NUBPL: variants seen among roughly 807,000 people sequenced by gnomAD.
NUBPL encodes iron-sulfur cluster transfer protein NUBPL.
In NUBPL, 31 loss-of-function variants were observed where a neutral mutation model predicts 45.7. That is an observed-to-expected ratio of 0.68 (90% CI 0.51 to 0.92). The LOEUF is 0.92. NUBPL is among the 40% of genes least tolerant of loss of function. The pLI is 0.00. For missense variants in NUBPL, 401 were observed against 398.7 expected (o/e 1.01, Z -0.05); for synonymous variants, 144 against 140.9 (o/e 1.02, Z -0.15).
At chr14:31,665,864 T>C (rs1595460478) in intron 4 of NUBPL, among the ~76,000 whole-genome samples, 1 of 152,136 alleles carries the variant, frequency 6.6e-6, no homozygotes, top group Non-Finnish European at 1.5e-5. Context: ...TGGGGGAGTC[T>C]AAGTCTCTTT....
At chr14:31,588,482 G>C (rs1370074578) in intron 3 of NUBPL, among the ~76,000 whole-genome samples, 1 of 151,900 alleles carries the variant, frequency 6.6e-6, no homozygotes, top group African/African-American at 2.4e-5. Context: ...AATCTTTACA[G>C]GTAAGAAAAT....
chr14:31,637,790 A>C (rs2035550939), intron 4 of NUBPL, among the ~76,000 whole-genome samples: 1 of 152,154 alleles, frequency 6.6e-6, no homozygotes, highest in Admixed American at 6.5e-5. Context: ...GGGTGCATAT[A>C]TATTAAGATA....
chr14:31,574,028 T>C (rs966730023), intron 3 of NUBPL, among the ~76,000 whole-genome samples: 1 of 152,148 alleles, frequency 6.6e-6, no homozygotes, highest in Non-Finnish European at 1.5e-5. Context: ...ATAAATAAAA[T>C]ATACACAGCA....
intron 4 of NUBPL, among the ~76,000 whole-genome samples, chr14:31,630,383 G>A (rs889029279): frequency 3.9e-5 from 6 of 152,072 alleles, no homozygotes; most frequent in African/African-American, 1.2e-4. Flanking sequence ...TTCTTTATTC[G>A]AATGTGATTT....
At chr14:31,698,356 CT>C (rs548304258) in intron 6 of NUBPL, among the ~76,000 whole-genome samples, 527 of 141,898 alleles carry the variant, frequency 3.7e-3, no homozygotes, top group East Asian at 6.5e-3. Context: ...TCATTTTGGT[CT>C]TTTTTTTTTT....
chr14:31,652,571 A>T lies in NUBPL; in HGVS notation c.383-20784A>T, dbSNP rs549874390. ...TATATATAAATTTTGTCAATTAAAA[A>T]TGATTAAAAAATAAAGTTGCTTTTT... On this transcript the variant is annotated intron_variant, in intron 4 of 10. Coordinates refer to ENST00000281081, the MANE Select transcript of NUBPL (RefSeq NM_025152.3). Among the ~76,000 whole-genome samples, 21 of 152,340 alleles carry T rather than the reference A, an allele frequency of 1.4e-4. No homozygotes were observed. In the East Asian group the frequency reaches 4.0e-3, roughly 29 times the overall value.
chr14:31,595,959 T>G (rs963367754), intron 3 of NUBPL, among the ~76,000 whole-genome samples: 1 of 149,808 alleles, frequency 6.7e-6, no homozygotes, highest in East Asian at 2.0e-4. Context: ...CAGGCTGGAG[T>G]GCAGTGGCGC....
intron 6 of NUBPL, among the ~76,000 whole-genome samples, chr14:31,782,326 C>T (rs1374589557): frequency 3.9e-5 from 6 of 152,022 alleles, no homozygotes; most frequent in African/African-American, 1.2e-4. Flanking sequence ...ACCTGGGAGG[C>T]GGAGGTTGCA....
intron 7 of NUBPL, among the ~76,000 whole-genome samples, chr14:31,818,718 T>C (rs2039967283): frequency 6.6e-6 from 1 of 152,028 alleles, no homozygotes; most frequent in African/African-American, 2.4e-5. Flanking sequence ...CCGGCTAATG[T>C]TTTGTATTTT....
At chr14:31,611,731 G>A (rs565525358) in intron 4 of NUBPL, among the ~76,000 whole-genome samples, 7 of 151,860 alleles carry the variant, frequency 4.6e-5, no homozygotes, top group Non-Finnish European at 1.0e-4. Flanking sequence ...ACACACAGAC[G>A]AATAGAACCA....
chr14:31,686,628 C>T (rs984559857), intron 6 of NUBPL: 3 of 152,198 alleles, frequency 2.0e-5, no homozygotes, highest in Non-Finnish European at 2.9e-5. Context: ...ATCAGACACG[C>T]AATGAATAAT....
At chr14:31,660,180 G>C (rs898817709) in intron 4 of NUBPL, among the ~76,000 whole-genome samples, 4 of 152,124 alleles carry the variant, frequency 2.6e-5, no homozygotes, top group Non-Finnish European at 1.5e-5. Context: ...CCAGGTTGAT[G>C]GCTCAAGTTT....
intron 6 of NUBPL, among the ~76,000 whole-genome samples, chr14:31,716,943 A>G (rs2037702941): frequency 6.6e-6 from 1 of 152,044 alleles, no homozygotes; most frequent in Non-Finnish European, 1.5e-5. Context: ...ATCCTTCCCT[A>G]CAATGTCCAC....
chr14:31,758,984 A>T (rs2038736810), intron 6 of NUBPL, among the ~76,000 whole-genome samples: 1 of 152,100 alleles, frequency 6.6e-6, no homozygotes, highest in Non-Finnish European at 1.5e-5. Flanking sequence ...AGCCAGGTGG[A>T]CGGTTCCTCT....
chr14:31,854,890 C>T (rs1345676937), intron 10 of NUBPL, among the ~76,000 whole-genome samples: 2 of 152,184 alleles, frequency 1.3e-5, no homozygotes, highest in African/African-American at 4.8e-5. Flanking sequence ...AAAATTTAGC[C>T]TCAACAGTTT....
chr14:31,614,025 A>G (rs1451073508), intron 4 of NUBPL, among the ~76,000 whole-genome samples: 1 of 152,114 alleles, frequency 6.6e-6, no homozygotes, highest in Non-Finnish European at 1.5e-5. Flanking sequence ...TTTTTAAAAT[A>G]TAAAATTTGG....
rs1020651679 is a variant in NUBPL, at chr14:31,826,530, A to G, written c.608-99A>G. 3.1e-6 allele frequency: 3 copies of G among 966,444 alleles called. No homozygotes were observed. The African/African-American group carries it at 4.9e-5, about 16-fold the overall frequency. 59.9% of individuals were successfully genotyped at this position (966,444 alleles called of 1,614,324 possible). On this transcript the variant is annotated intron_variant, in intron 7 of 10. Transcript: ENST00000281081. Reference sequence around the variant, plus strand: ...ATGTATATGAATGACCTAAATAGTTAACGTAATAGACTATTTGCGTATGTA... The same window carrying G: ...ATGTATATGAATGACCTAAATAGTTGACGTAATAGACTATTTGCGTATGTA...
At chr14:31,747,275 A>G (rs2038421773) in intron 6 of NUBPL, among the ~76,000 whole-genome samples, 1 of 151,306 alleles carries the variant, frequency 6.6e-6, no homozygotes, top group Non-Finnish European at 1.5e-5. Flanking sequence ...AGCTGTGACT[A>G]CAGGCGCCTG....
rs186142864 is a variant in NUBPL at position 31,604,708 on chromosome 14, G to C, written c.382+5329G>C. Among the ~76,000 whole-genome samples, 22 of 152,196 alleles carry C rather than the reference G, an allele frequency of 1.4e-4. No homozygotes were observed. In the East Asian group the frequency reaches 2.1e-3, roughly 15 times the overall value. ...ACATTCTCTTCATACCTTTTTTTGG[G>C]AGGGTGGGGGGAATTGTAGAAAAAC... On this transcript the variant is annotated intron_variant, in intron 4 of 10. Coordinates refer to ENST00000281081, the MANE Select transcript of NUBPL (RefSeq NM_025152.3).
Sources: allele counts gnomAD v4.1 joint callset (sites outside exome capture counted in the v4.1 genomes callset), GRCh38; gene constraint gnomAD v4.1.1; transcripts MANE v1.5; gene names NCBI Gene and HGNC (gene_info 2026-07-23, HGNC 2026-07-21).